Variants in ITGA10 observed in about 807,000 individuals in gnomAD.
ITGA10 encodes the protein integrin alpha-10.
Under a neutral mutation model 145.2 loss-of-function variants are expected in ITGA10, and 105 were observed. That is an observed-to-expected ratio of 0.72 (90% CI 0.62 to 0.85). ITGA10 has a LOEUF of 0.85. ITGA10 is among the 40% of genes least tolerant of loss of function. The pLI is 0.00. For synonymous variants in ITGA10, 506 were observed against 557.8 expected (o/e 0.91, Z 1.31); for missense variants, 1,317 against 1,444.5 (o/e 0.91, Z 1.43).
At position 145,899,269 on chromosome 1, in the gene ITGA10, G is replaced by A. The variant is rs782213682; in HGVS notation, c.1995C>T (p.Asp665=). 1 of 1,614,252 alleles carries A rather than the reference G, an allele frequency of 6.2e-7. No homozygotes were observed. The highest frequency in any genetic ancestry group is 1.1e-5 in the South Asian group (1 of 91,088). ...CTGCCTCTTGGCCTCGCCGCCTACA[G>A]TCCCTCTGAACCACACTGATGGCCT... is the stretch of plus-strand genomic sequence containing the variant. ...TPQAISVVQR[D]CRRRGQEAVC... Residue 665 remains aspartate (D), a synonymous_variant, in exon 16 of 30, where the codon GAC becomes GAT. Transcript: ENST00000369304.
At position 145,897,813 on chromosome 1, in the gene ITGA10, A is replaced by G. The variant is rs1655649640; in HGVS notation, c.2432+2T>C. The G allele has an allele frequency of 6.2e-7, 1 of 1,613,702 alleles. No homozygotes were observed. The highest frequency in any genetic ancestry group is 1.7e-5 in the Admixed American group (1 of 59,986). ...GGTTTGCCTAGTACATGTCCATCCA[A>G]CCTGGAGCCTCTGATGTCCATATTC... On this transcript the variant is annotated splice_donor_variant, in intron 19 of 29. Coordinates refer to ENST00000369304, the MANE Select transcript of ITGA10 (RefSeq NM_003637.5). LOFTEE classifies it high-confidence loss of function.
chr1:145,904,608 C>T (rs1553750441), intron 6 of ITGA10, 76 bp downstream of exon 6: 4 of 1,531,836 alleles, frequency 2.6e-6, no homozygotes, highest in African/African-American at 2.7e-5. Context: ...CTCCTGGCCT[C>T]AGGGGATCCT....
chr1:145,899,096 G>T lies in ITGA10; in HGVS notation c.2090-18C>A. On this transcript the variant is annotated intron_variant, in intron 16 of 29. Transcript: ENST00000369304. ...CCTCATGTCTGAATGAAGGAGGCAA[G>T]AGTGAGGGTGGAAAGGGGTCTAGTG... 6.2e-7 allele frequency: 1 copy of T among 1,614,270 alleles called. No homozygotes were observed. The highest frequency in any genetic ancestry group is 8.5e-7 in the Non-Finnish European group (1 of 1,180,048).
chr1:145,904,935 T>G, intron 5 of ITGA10, 124 bp from the exon 6 acceptor site: 1 of 948,392 alleles, frequency 1.1e-6, no homozygotes, highest in South Asian at 1.7e-5. Context: ...AAGAAGGTAC[T>G]GTGCCAGGCT....
intron 4 of ITGA10, 86 bp from the exon 5 acceptor site, chr1:145,906,594 C>A: frequency 7.5e-7 from 1 of 1,325,174 alleles, no homozygotes; most frequent in African/African-American, 1.4e-5. Flanking sequence ...GAAGACTACT[C>A]CCTGACATTA....
rs1407349877 is a variant in ITGA10, at chr1:145,902,723, T to C, written c.909+88A>G. On this transcript the variant is annotated intron_variant, in intron 8 of 29. Coordinates refer to ENST00000369304, the MANE Select transcript of ITGA10 (RefSeq NM_003637.5). ...CTGGGAAGTAGTTAATGCCCTTGTT[T>C]TCCTCAAGTTCCCAGTCCTTGGACA... is the stretch of plus-strand genomic sequence containing the variant. 9 of 1,539,478 alleles carry C rather than the reference T, an allele frequency of 5.8e-6. No homozygotes were observed. In the African/African-American group the frequency reaches 6.9e-5, roughly 12 times the overall value.
At chr1:145,896,395 A>C in intron 23 of ITGA10, 43 bp from the exon 24 acceptor site, 1 of 1,439,018 alleles carries the variant, frequency 6.9e-7, no homozygotes, top group Non-Finnish European at 9.8e-7. Context: ...CACAGCCATA[A>C]CACAGACACA....
chr1:145,903,042 C>T (rs1159429681), intron 7 of ITGA10, 81 bp from the exon 8 acceptor site: 6 of 971,984 alleles, frequency 6.2e-6, no homozygotes, highest in Non-Finnish European at 9.0e-6. Flanking sequence ...CACACACACA[C>T]ACACACACAC....
chr1:145,904,107 G>A lies in ITGA10; in HGVS notation c.703C>T (p.Leu235Phe), dbSNP rs782750583. 2 of 1,613,996 alleles carry A rather than the reference G, an allele frequency of 1.2e-6. No individual in the cohort carries two copies. The highest frequency in any genetic ancestry group is 1.3e-5 in the African/African-American group (1 of 74,914). ...KEEVVRAAKN[L>F]SRREGRETKT... ...GTTTCTCGTCCCTCCCGCCGACTGA[G>A]GTTCTTTGCTGCTCTCACCACTTCT... The change falls in exon 7 of 30, where the codon CTC (leucine) becomes TTC (phenylalanine). Residue 235 changes from leucine to phenylalanine, a missense_variant. Coordinates refer to ENST00000369304, the MANE Select transcript of ITGA10 (RefSeq NM_003637.5).
At chr1:145,895,812 T>C (rs1570843836) in intron 25 of ITGA10, 101 bp from the exon 26 acceptor site, 2 of 1,140,378 alleles carry the variant, frequency 1.8e-6, no homozygotes, top group African/African-American at 3.1e-5. Context: ...CTTCCCCTTA[T>C]AATACCTTTT....
At position 145,896,000 on chromosome 1, in the gene ITGA10, G is replaced by C. The variant is rs1553744887; in HGVS notation, c.3016C>G (p.Gln1006Glu). The change falls in exon 25 of 30, where the codon CAA (glutamine) becomes GAA (glutamate). Residue 1006 changes from glutamine to glutamate, a missense_variant. Gln to Glu is a conservative substitution (Grantham distance 29, BLOSUM62 2). Transcript: ENST00000369304. The part of the protein sequence containing the change: ...HGGNYFLSLS[Q>E]VITNNASCIV... ...AGACTCACATTGTTAGTGATGACTT[G>C]AGACAGTGATAGGAAGTAATTGCCC... 1.9e-6 allele frequency: 3 copies of C among 1,613,350 alleles called. No homozygotes were observed. The Admixed American group carries it at 5.0e-5, about 27-fold the overall frequency.
Position 145,898,830 on chromosome 1 carries a change from T to C in ITGA10, c.2232+106A>G, listed in dbSNP as rs1045481299. The C allele has an allele frequency of 6.6e-6, 9 of 1,358,276 alleles. No homozygotes were observed. The Admixed American group carries it at 2.1e-4, about 32-fold the overall frequency. 84.1% of individuals were successfully genotyped at this position (1,358,276 alleles called of 1,614,324 possible). On this transcript the variant is annotated intron_variant, in intron 17 of 29. Transcript: ENST00000369304. Reference sequence around the variant, plus strand: ...ACTCCAAAGTCTGAATCATCTCATTTTCCCGGCTTTGGCTTTCTTGCTGAT... The same window carrying C: ...ACTCCAAAGTCTGAATCATCTCATTCTCCCGGCTTTGGCTTTCTTGCTGAT...
In ITGA10 at chr1:145,901,634, C is replaced by A; in HGVS notation, c.1325G>T (p.Gly442Val). The change falls in exon 12 of 30, where the codon GGT becomes GTT. Residue 442 changes from glycine (G) to valine (V), a missense_variant. By Grantham distance (109) the Gly-to-Val change is moderately radical (BLOSUM62 -3). Transcript: ENST00000369304. The surrounding 1 kb of genome is among the most constrained non-coding windows in gnomAD (Gnocchi z 4.3). ...GYSVSSMLLRGGRRLFLSGAP... is the reference protein window; with the variant it reads ...GYSVSSMLLRVGRRLFLSGAP... ...CCCAGAGAGAAACAGGCGGCGTCCA[C>A]CCCGCAAAAGCATGGAAGAAACAGA... 6.3e-7 allele frequency: 1 copy of A among 1,585,666 alleles called. No individual in the cohort carries two copies. Among genetic ancestry groups the A allele is most frequent in the East Asian group, 2.2e-5 (1 of 44,634 alleles).
chr1:145,903,399 C>T (rs1228424922), intron 7 of ITGA10, among the ~76,000 whole-genome samples: 2 of 152,050 alleles, frequency 1.3e-5, no homozygotes, highest in Non-Finnish European at 2.9e-5. Context: ...GGAACGTGGG[C>T]TAGGACATCA....
At chr1:145,893,820 C>T (rs1324928377) in intron 27 of ITGA10, among the ~76,000 whole-genome samples, 185 bp from the exon 28 acceptor site, 1 of 152,110 alleles carries the variant, frequency 6.6e-6, no homozygotes, top group Non-Finnish European at 1.5e-5. Context: ...CCCCTGGTCA[C>T]ATCTGCTGCT....
chr1:145,902,136 T>C lies in ITGA10; in HGVS notation c.1149+110A>G, dbSNP rs587722470. On this transcript the variant is annotated intron_variant, in intron 10 of 29. Coordinates refer to ENST00000369304, the MANE Select transcript of ITGA10 (RefSeq NM_003637.5). ...TCTGCTGGGCTCAGTTGGAAAGGCA[T>C]GGGAAGGTGAGCATGGAGGCTGGTT... The C allele has an allele frequency of 2.3e-4, 357 of 1,571,102 alleles. 3 individuals are homozygous for C. In the South Asian group the frequency reaches 3.7e-3, roughly 16 times the overall value.
At position 145,901,449 on chromosome 1, in the gene ITGA10, C is replaced by T; in HGVS notation, c.1443+67G>A. 1 of 1,508,572 alleles carries T rather than the reference C, an allele frequency of 6.6e-7. No homozygotes were observed. Among genetic ancestry groups the T allele is most frequent in the African/African-American group, 1.4e-5 (1 of 71,874 alleles). 93.4% of individuals were successfully genotyped at this position (1,508,572 alleles called of 1,614,324 possible). A position where few individuals can be genotyped will look rare whatever the true frequency, so the allele number is the denominator to read the frequency against. The stretch of plus-strand genomic sequence containing the variant: ...GGAGGCCTCTCTCTTACCCACTTCA[C>T]ACTCCTCCCCAACAGCCCAGAGGTC... On this transcript the variant is annotated intron_variant, in intron 12 of 29. Transcript: ENST00000369304. This position sits in a 1 kb window ranked among gnomAD's most constrained non-coding sequence, Gnocchi z 4.3.
At chr1:145,903,546 T>G (rs1219043605) in intron 7 of ITGA10, among the ~76,000 whole-genome samples, 1 of 152,114 alleles carries the variant, frequency 6.6e-6, no homozygotes, top group Non-Finnish European at 1.5e-5. Context: ...GACAGCCCAC[T>G]TAGCCTTCCT....
chr1:145,897,011 C>T lies in ITGA10; in HGVS notation c.2744G>A (p.Ser915Asn). ...GGAAGAAAGTTCCCTTCATTCTCAC[C>T]TGCTGGCAGTCAGCTTCACGAAGAC... is the stretch of plus-strand genomic sequence containing the variant. ...SQVFVKLTAS[S>N]DSLERNGTLQ... Residue 915 changes from serine to asparagine, a missense_variant and splice_region_variant, in exon 22 of 30, where the codon AGT becomes AAT. Ser to Asn is a conservative substitution (Grantham distance 46, BLOSUM62 1). Transcript: ENST00000369304. 1.2e-6 allele frequency: 2 copies of T among 1,613,700 alleles called. No individual in the cohort carries two copies. The highest frequency in any genetic ancestry group is 1.7e-6 in the Non-Finnish European group (2 of 1,179,586).
Sources: gnomAD v4.1 joint callset for allele counts (sites outside exome capture counted in the v4.1 genomes callset) on GRCh38, gnomAD v4.1.1 for gene constraint, Gnocchi (gnomAD v3.1) non-coding constraint, MANE v1.5 for transcripts, NCBI Gene and HGNC (gene_info 2026-07-23, HGNC 2026-07-21) for gene names.